Variants in CCDC68 observed in about 807,000 individuals in gnomAD.
CCDC68 encodes the protein coiled-coil domain-containing protein 68.
In CCDC68, 45 loss-of-function variants were observed where a neutral mutation model predicts 47.1. The ratio of observed to expected loss-of-function variants is 0.96; its 90% CI spans 0.75 to 1.23. The LOEUF (loss-of-function observed/expected upper bound fraction) is 1.23, where lower values mean the gene tolerates loss of function less well. Ranked by LOEUF, CCDC68 falls within the 50% of genes most tolerant of loss-of-function variation. The probability of loss-of-function intolerance (pLI) is 0.00; values close to 1 mark genes in which losing one functional copy is unlikely to be tolerated. For missense variants in CCDC68, 353 were observed against 373.6 expected, an observed-to-expected ratio of 0.94 and a Z score of 0.45; for synonymous variants, 131 against 129.5, an observed-to-expected ratio of 1.01 and a Z score of -0.08.
intron 1 of CCDC68, among the ~76,000 whole-genome samples, chr18:54,955,557 T>C (rs370061185): frequency 1.0e-3 from 158 of 151,076 alleles, no homozygotes; most frequent in African/African-American, 3.8e-3. Flanking sequence ...CCCCCACCAC[T>C]CAAAATGCAT....
intron 2 of CCDC68, 85 bp from the exon 3 acceptor site, chr18:54,942,888 T>C (rs2044462152): frequency 1.3e-6 from 1 of 771,624 alleles, no homozygotes; most frequent in African/African-American, 1.8e-5. Flanking sequence ...TAAGTTGTTT[T>C]ATCACTATAG....
chr18:54,951,200 G>A (rs1307096565), intron 1 of CCDC68, among the ~76,000 whole-genome samples: 1 of 151,726 alleles, frequency 6.6e-6, no homozygotes, highest in Non-Finnish European at 1.5e-5. Context: ...GAGCCACCGC[G>A]CCCGGCCCAG....
intron 1 of CCDC68, among the ~76,000 whole-genome samples, chr18:54,953,553 GA>G (rs1568166359): frequency 1.1e-3 from 168 of 151,178 alleles, no homozygotes; most frequent in African/African-American, 3.9e-3. Flanking sequence ...TATATATATA[GA>G]GAGAGAGAGA....
intron 8 of CCDC68, among the ~76,000 whole-genome samples, chr18:54,927,590 A>C (rs1323055649): frequency 6.6e-6 from 1 of 152,244 alleles, no homozygotes; most frequent in Non-Finnish European, 1.5e-5. Context: ...CTTAGAATTA[A>C]GTTATGAATA....
chr18:54,948,531 C>G (rs377181581), intron 1 of CCDC68, among the ~76,000 whole-genome samples: 1 of 152,106 alleles, frequency 6.6e-6, no homozygotes, highest in Admixed American at 6.5e-5. Context: ...TTAGAGCAAC[C>G]CTAGAAAAGG....
intron 4 of CCDC68, among the ~76,000 whole-genome samples, chr18:54,939,832 A>G (rs887527616): frequency 6.6e-6 from 1 of 152,020 alleles, no homozygotes; most frequent in Non-Finnish European, 1.5e-5. Flanking sequence ...CAGATCAACC[A>G]CACATCAAAT....
intron 8 of CCDC68, among the ~76,000 whole-genome samples, chr18:54,920,399 C>A (rs953013461): frequency 6.6e-6 from 1 of 152,020 alleles, no homozygotes; most frequent in Admixed American, 6.6e-5. Context: ...CACCACCACA[C>A]CTGGCTAATT....
intron 7 of CCDC68, among the ~76,000 whole-genome samples, chr18:54,933,625 A>G (rs2044299705): frequency 6.6e-6 from 1 of 152,228 alleles, no homozygotes; most frequent in Non-Finnish European, 1.5e-5. Flanking sequence ...TACCAAGTAT[A>G]CAACCAAATA....
intron 6 of CCDC68, 32 bp from the exon 7 acceptor site, chr18:54,934,980 ACT>A (rs2145537507): frequency 1.3e-6 from 2 of 1,500,820 alleles, no homozygotes; most frequent in Non-Finnish European, 1.8e-6. Context: ...TGTTGTGAAA[ACT>A]CTGTTTTTCT....
intron 7 of CCDC68, among the ~76,000 whole-genome samples, chr18:54,934,436 A>T (rs1000581786): frequency 1.0e-3 from 152 of 152,174 alleles, no homozygotes; most frequent in African/African-American, 3.6e-3. Context: ...ACTGACTCTA[A>T]TACATAAAAA....
At chr18:54,929,308 G>C (rs1225156565) in intron 7 of CCDC68, among the ~76,000 whole-genome samples, 1 of 152,092 alleles carries the variant, frequency 6.6e-6, no homozygotes, top group Non-Finnish European at 1.5e-5. Flanking sequence ...CATACTACTT[G>C]GCATCTGTCA....
At chr18:54,958,225 C>T (rs571556680) in intron 1 of CCDC68, among the ~76,000 whole-genome samples, 7 of 152,316 alleles carry the variant, frequency 4.6e-5, no homozygotes, top group African/African-American at 1.7e-4. Context: ...GGGATACTCC[C>T]TGCCTTGGGC....
intron 8 of CCDC68, among the ~76,000 whole-genome samples, chr18:54,926,714 T>C (rs746284797): frequency 7.2e-5 from 11 of 152,322 alleles, no homozygotes; most frequent in Admixed American, 5.9e-4. Context: ...CAGAGGTTTC[T>C]AGAAATAAAA....
Position 54,938,007 on chromosome 18 carries a change from C to A in CCDC68, c.295G>T (p.Asp99Tyr), listed in dbSNP as rs999839328. The A allele has an allele frequency of 3.1e-6, 5 of 1,613,220 alleles. No homozygotes were observed. The African/African-American group carries it at 5.3e-5, about 17-fold the overall frequency. Residue 99 changes from aspartate (D) to tyrosine (Y), a missense_variant, in exon 5 of 12, where the codon GAC becomes TAC. Transcript: ENST00000591504. ...TTGTTCATTTCTAAGAGCTGTAGGT[C>A]TTTTCCTTTTATCTTTTTCATAAGC... ...DLLMKKIKGK[D>Y]LQLLEMNKEN...
At chr18:54,954,090 C>T (rs2044671972) in intron 1 of CCDC68, among the ~76,000 whole-genome samples, 1 of 148,782 alleles carries the variant, frequency 6.7e-6, no homozygotes. Context: ...TAGTCTCACT[C>T]TGTCACCCAG....
chr18:54,939,447 A>G (rs889322389), intron 4 of CCDC68, among the ~76,000 whole-genome samples: 1 of 152,094 alleles, frequency 6.6e-6, no homozygotes, highest in Non-Finnish European at 1.5e-5. Flanking sequence ...TAGAGCCTAG[A>G]TGCGGCCTTT....
chr18:54,904,879 A>ATATG (rs1198725105), intron 11 of CCDC68, among the ~76,000 whole-genome samples: 1 of 152,200 alleles, frequency 6.6e-6, no homozygotes, highest in African/African-American at 2.4e-5. Flanking sequence ...GTACACAGAC[A>ATATG]TATGTATGCA....
intron 2 of CCDC68, among the ~76,000 whole-genome samples, chr18:54,943,470 T>A (rs1047868469): frequency 2.0e-5 from 3 of 152,084 alleles, no homozygotes; most frequent in Non-Finnish European, 4.4e-5. Context: ...CATATATATA[T>A]TATCTAACTA....
At chr18:54,923,803 C>G (rs1046434136) in intron 8 of CCDC68, among the ~76,000 whole-genome samples, 2 of 152,036 alleles carry the variant, frequency 1.3e-5, no homozygotes, top group African/African-American at 4.8e-5. Context: ...CCTCCAGCTC[C>G]TGGGTATAAG....
Sources: allele counts gnomAD v4.1 joint callset (sites outside exome capture counted in the v4.1 genomes callset), GRCh38; gene constraint gnomAD v4.1.1; transcripts MANE v1.5; gene names NCBI Gene and HGNC (gene_info 2026-07-23, HGNC 2026-07-21).